The following MEMO1 variants were observed in gnomAD, a reference collection of about 807,000 sequenced individuals.
MEMO1 encodes mediator of cell motility 1.
A neutral mutation model predicts 45.2 loss-of-function variants in MEMO1; 6 were observed. The ratio of observed to expected loss-of-function variants is 0.13; its 90% CI spans 0.07 to 0.26. The LOEUF is 0.26. MEMO1 is among the 10% of genes least tolerant of loss of function. The pLI, the probability that MEMO1 is intolerant of heterozygous loss-of-function variation, is 1.00. For synonymous variants in MEMO1, 78 were observed against 124.3 expected (o/e 0.63, Z 2.48); for missense variants, 184 against 370.5 (o/e 0.50, Z 4.13).
intron 2 of MEMO1, among the ~76,000 whole-genome samples, chr2:32,004,776 A>T (rs186166606): frequency 6.6e-6 from 1 of 151,986 alleles, no homozygotes; most frequent in East Asian, 1.9e-4. Context: ...AAAATACAAA[A>T]ATTATCCGGG....
chr2:31,949,338 T>C (rs1329802099), intron 2 of MEMO1, among the ~76,000 whole-genome samples: 1 of 152,066 alleles, frequency 6.6e-6, no homozygotes, highest in Middle Eastern at 3.2e-3. Context: ...CAGTTTACAA[T>C]AGCTAAGATT....
Position 31,955,652 on chromosome 2 carries a change from A to C in MEMO1, c.62-12269T>G, listed in dbSNP as rs1297031403. 3.3e-5 allele frequency among the ~76,000 whole-genome samples: 5 copies of C among 151,962 alleles called. No individual in the cohort carries two copies. The East Asian group carries it at 9.6e-4, about 29-fold the overall frequency. On this transcript the variant is annotated intron_variant, in intron 2 of 9. Transcript: ENST00000404530. ...TGACAGAGTTTTGCTCTTCTTGCCC[A>C]GGCTGGAGTGCAATGGGGCGATCTC...
At chr2:31,941,705 A>G (rs943913345) in intron 3 of MEMO1, among the ~76,000 whole-genome samples, 2 of 152,240 alleles carry the variant, frequency 1.3e-5, no homozygotes, top group African/African-American at 4.8e-5. Context: ...TACTATTATT[A>G]TTCCAGCTTT....
chr2:31,962,779 G>C (rs1303862154), intron 2 of MEMO1, among the ~76,000 whole-genome samples: 2 of 152,184 alleles, frequency 1.3e-5, no homozygotes, highest in East Asian at 1.9e-4. Flanking sequence ...GGATGTGACA[G>C]TTAATTTTAT....
At chr2:31,996,332 G>A (rs1672611916) in intron 2 of MEMO1, among the ~76,000 whole-genome samples, 2 of 152,066 alleles carry the variant, frequency 1.3e-5, no homozygotes, top group Admixed American at 6.6e-5. Flanking sequence ...CGGATCACTT[G>A]AGGTCAGAAG....
At chr2:31,978,120 C>T (rs1240942852) in intron 2 of MEMO1, among the ~76,000 whole-genome samples, 1 of 152,120 alleles carries the variant, frequency 6.6e-6, no homozygotes, top group African/African-American at 2.4e-5. Context: ...GGCACGGTGG[C>T]TCACACCTGT....
chr2:31,881,600 C>A (rs1675383785), intron 8 of MEMO1, among the ~76,000 whole-genome samples: 1 of 145,028 alleles, frequency 6.9e-6, no homozygotes, highest in Admixed American at 6.8e-5. Flanking sequence ...AGCAAAAGGA[C>A]AAATGAAGAG....
At chr2:32,008,543 CAT>C (rs1250785953) in intron 2 of MEMO1, among the ~76,000 whole-genome samples, 1 of 152,000 alleles carries the variant, frequency 6.6e-6, no homozygotes, top group African/African-American at 2.4e-5. Flanking sequence ...AAGATCGAGC[CAT>C]TGCACTCCAG....
intron 4 of MEMO1, among the ~76,000 whole-genome samples, chr2:31,927,752 CT>C (rs572362283): frequency 3.9e-4 from 58 of 150,568 alleles, no homozygotes; most frequent in African/African-American, 1.4e-3. Flanking sequence ...AATTTGTTTA[CT>C]TTTTTAAATA....
intron 8 of MEMO1, among the ~76,000 whole-genome samples, chr2:31,877,683 T>C (rs1192235402): frequency 6.6e-6 from 1 of 152,204 alleles, no homozygotes; most frequent in African/African-American, 2.4e-5. Context: ...CACTAATACA[T>C]ACGTGTGTAA....
intron 2 of MEMO1, among the ~76,000 whole-genome samples, chr2:31,989,740 A>T (rs1671712167): frequency 1.3e-5 from 2 of 152,116 alleles, no homozygotes; most frequent in Non-Finnish European, 2.9e-5. Flanking sequence ...CAATAAAATG[A>T]TTTTTTTTAA....
intron 2 of MEMO1, among the ~76,000 whole-genome samples, chr2:31,987,589 T>A (rs558137091): frequency 6.6e-5 from 10 of 152,202 alleles, no homozygotes; most frequent in Non-Finnish European, 1.3e-4. Flanking sequence ...CTAGTCATAT[T>A]AGTCATTCAA....
At chr2:31,874,537 T>C (rs1013714838) in intron 8 of MEMO1, among the ~76,000 whole-genome samples, 2 of 152,126 alleles carry the variant, frequency 1.3e-5, no homozygotes, top group Non-Finnish European at 2.9e-5. Flanking sequence ...TTTTGCAACT[T>C]AGTTTTATTT....
At chr2:31,869,462 AAG>A (rs1330997506) in intron 9 of MEMO1, among the ~76,000 whole-genome samples, 4 of 152,110 alleles carry the variant, frequency 2.6e-5, no homozygotes, top group Non-Finnish European at 5.9e-5. Flanking sequence ...TGAACATTTA[AAG>A]TTTAAGAGCA....
chr2:31,967,366 C>G (rs528632751), intron 2 of MEMO1, among the ~76,000 whole-genome samples: 1 of 152,202 alleles, frequency 6.6e-6, no homozygotes, highest in Admixed American at 6.5e-5. Context: ...CCTCGTGATC[C>G]GCCTGCCTCA....
At chr2:31,913,196 G>A (rs188614570) in intron 6 of MEMO1, among the ~76,000 whole-genome samples, 5 of 149,014 alleles carry the variant, frequency 3.4e-5, no homozygotes, top group Middle Eastern at 3.6e-3. Context: ...CCCAGGAGGC[G>A]GAGGATGCAG....
At chr2:31,883,862 C>T (rs1216517466) in intron 7 of MEMO1, among the ~76,000 whole-genome samples, 1 of 151,188 alleles carries the variant, frequency 6.6e-6, no homozygotes, top group African/African-American at 2.4e-5. Flanking sequence ...CACTAAAAGC[C>T]TTAGCTTTTG....
intron 2 of MEMO1, among the ~76,000 whole-genome samples, chr2:31,978,324 T>C (rs192999036): frequency 1.2e-3 from 186 of 151,906 alleles, no homozygotes; most frequent in African/African-American, 4.1e-3. Flanking sequence ...GAGGAGGAGG[T>C]TGCAATGAGC....
chr2:31,903,082 T>C (rs1371041082), intron 6 of MEMO1, among the ~76,000 whole-genome samples: 2 of 152,270 alleles, frequency 1.3e-5, no homozygotes, highest in African/African-American at 2.4e-5. Context: ...TTATGAAATA[T>C]ACAAATTAAA....
Sources: gnomAD v4.1 joint callset for allele counts (sites outside exome capture counted in the v4.1 genomes callset) on GRCh38, gnomAD v4.1.1 for gene constraint, MANE v1.5 for transcripts, NCBI Gene and HGNC (gene_info 2026-07-23, HGNC 2026-07-21) for gene names.